HDAC9: variants seen among roughly 807,000 people sequenced by gnomAD.
HDAC9 encodes histone deacetylase 9, also known as MEF-2 interacting transcription repressor (MITR) protein.
A neutral mutation model predicts 139.4 loss-of-function variants in HDAC9; 41 were observed. That is an observed-to-expected ratio of 0.29 (90% CI 0.23 to 0.38). The LOEUF (loss-of-function observed/expected upper bound fraction) is 0.38, where lower values mean the gene tolerates loss of function less well. Ranked by LOEUF, HDAC9 falls within the 10% of genes least tolerant of loss-of-function variation. The probability of loss-of-function intolerance (pLI) is 1.00; values close to 1 mark genes in which losing one functional copy is unlikely to be tolerated. For missense variants in HDAC9, 1,147 were observed against 1,297.0 expected, an observed-to-expected ratio of 0.88 and a Z score of 1.78; for synonymous variants, 517 against 476.2, an observed-to-expected ratio of 1.09 and a Z score of -1.12.
chr7:18,765,468 A>T (rs983620278), intron 15 of HDAC9, among the ~76,000 whole-genome samples: 1 of 152,080 alleles, frequency 6.6e-6, no homozygotes, highest in Non-Finnish European at 1.5e-5. Context: ...AAAAATACAA[A>T]AATTAGCCAG....
rs562783006 is a variant in HDAC9, at chr7:18,908,752, G to A, written c.2804-27057G>A. On this transcript the variant is annotated intron_variant, in intron 22 of 25. Transcript: ENST00000686413. Reference sequence around the variant, plus strand: ...TTCATTCTTTCATTCTGTTTTAATGGTTGTATAAGATTCCATTGTCTATTT... The same window carrying A: ...TTCATTCTTTCATTCTGTTTTAATGATTGTATAAGATTCCATTGTCTATTT... Among the ~76,000 whole-genome samples the A allele has an allele frequency of 2.6e-5, 4 of 151,964 alleles. No homozygotes were observed. The South Asian group carries it at 8.3e-4, about 32-fold the overall frequency.
intron 2 of HDAC9, among the ~76,000 whole-genome samples, chr7:18,170,542 G>A (rs565455262): frequency 3.0e-4 from 43 of 144,580 alleles, no homozygotes; most frequent in African/African-American, 1.2e-3. Context: ...GAATGGTATT[G>A]CCTAGGTTTT....
chr7:18,630,291 C>G (rs1584356253), intron 7 of HDAC9, among the ~76,000 whole-genome samples: 1 of 152,084 alleles, frequency 6.6e-6, no homozygotes, highest in Admixed American at 6.6e-5. Context: ...ATCTGCAACC[C>G]CTTTTTTTTC....
At chr7:18,722,137 A>C (rs765841264) in intron 12 of HDAC9, among the ~76,000 whole-genome samples, 19 of 152,342 alleles carry the variant, frequency 1.2e-4, no homozygotes, top group Non-Finnish European at 2.2e-4. Flanking sequence ...GTTGTCTTAC[A>C]CATCTCAGTT....
chr7:18,249,096 A>C (rs1251424585), intron 2 of HDAC9, among the ~76,000 whole-genome samples: 1 of 152,232 alleles, frequency 6.6e-6, no homozygotes, highest in East Asian at 1.9e-4. Context: ...AAGCTCATAA[A>C]AAAATCCTAA....
upstream of HDAC9, among the ~76,000 whole-genome samples, chr7:18,491,144 CT>C (rs2128134825): frequency 6.6e-6 from 1 of 151,892 alleles, no homozygotes; most frequent in African/African-American, 2.4e-5. Flanking sequence ...AAAAATACAA[CT>C]TGAACTCCAT....
intron 1 of HDAC9, among the ~76,000 whole-genome samples, chr7:18,160,895 T>C (rs1787584882): frequency 6.6e-6 from 1 of 152,094 alleles, no homozygotes; most frequent in Admixed American, 6.6e-5. Flanking sequence ...GATATTATTA[T>C]TATAGTAAAT....
chr7:18,446,742 CAT>C (rs1792331204), intron 1 of HDAC9, among the ~76,000 whole-genome samples: 1 of 151,968 alleles, frequency 6.6e-6, no homozygotes, highest in African/African-American at 2.4e-5. Flanking sequence ...TTGAGAACAA[CAT>C]ATATTTTCCT....
intron 21 of HDAC9, among the ~76,000 whole-genome samples, chr7:18,860,444 C>T (rs767986329): frequency 5.9e-5 from 9 of 152,156 alleles, no homozygotes; most frequent in Non-Finnish European, 1.3e-4. Flanking sequence ...TGGAAAGATA[C>T]ATGTTGCAGG....
At chr7:18,480,775 G>C (rs975749792) in intron 1 of HDAC9, among the ~76,000 whole-genome samples, 7 of 152,174 alleles carry the variant, frequency 4.6e-5, no homozygotes, top group African/African-American at 1.4e-4. Context: ...TAGTCATGGG[G>C]AACCAGAAGA....
intron 1 of HDAC9, among the ~76,000 whole-genome samples, chr7:18,115,254 C>T (rs1179707692): frequency 6.7e-6 from 1 of 149,652 alleles, no homozygotes; most frequent in Non-Finnish European, 1.5e-5. Context: ...GATTGTGCCA[C>T]TGCACTCCAG....
intron 2 of HDAC9, among the ~76,000 whole-genome samples, chr7:18,184,121 G>A (rs1414872264): frequency 1.3e-5 from 2 of 152,130 alleles, no homozygotes; most frequent in Non-Finnish European, 2.9e-5. Context: ...GCTATTGGCC[G>A]GGCGCGGCAG....
chr7:18,323,375 G>A (rs913185241), intron 1 of HDAC9, among the ~76,000 whole-genome samples: 2 of 152,276 alleles, frequency 1.3e-5, no homozygotes, highest in Admixed American at 1.3e-4. Context: ...TTGGGCCTTT[G>A]TTTCCATATA....
chr7:18,748,301 G>T (rs1174076807), intron 13 of HDAC9, among the ~76,000 whole-genome samples: 1 of 152,144 alleles, frequency 6.6e-6, no homozygotes, highest in Admixed American at 6.5e-5. Context: ...TTTAAAAGAA[G>T]ATTGTATTCA....
intron 2 of HDAC9, chr7:18,502,521 C>T (rs987234196): frequency 3.3e-5 from 5 of 152,164 alleles, no homozygotes; most frequent in African/African-American, 9.7e-5. Context: ...ATTTTATTTA[C>T]TTTTTAGTTT....
intron 1 of HDAC9, among the ~76,000 whole-genome samples, chr7:18,336,986 C>T (rs574786837): frequency 6.6e-6 from 1 of 151,528 alleles, no homozygotes. Flanking sequence ...CTGCTTGTGC[C>T]TAGAAACATA....
chr7:18,807,685 T>C (rs978887975), intron 17 of HDAC9, among the ~76,000 whole-genome samples: 23 of 152,206 alleles, frequency 1.5e-4, no homozygotes, highest in African/African-American at 5.3e-4. Context: ...TTTGACCCAT[T>C]GGTTTCCCAG....
chr7:18,231,804 T>C (rs1166343406), intron 2 of HDAC9, among the ~76,000 whole-genome samples: 1 of 152,202 alleles, frequency 6.6e-6, no homozygotes, highest in African/African-American at 2.4e-5. Context: ...ATTTAACTAT[T>C]ACTTGTATAT....
chr7:18,884,629 T>C (rs1455944602), intron 22 of HDAC9, among the ~76,000 whole-genome samples: 1 of 152,234 alleles, frequency 6.6e-6, no homozygotes, highest in Non-Finnish European at 1.5e-5. Context: ...TGGCTATAGT[T>C]ACTATTATAA....
Sources: gnomAD v4.1 joint callset for allele counts (sites outside exome capture counted in the v4.1 genomes callset) on GRCh38, gnomAD v4.1.1 for gene constraint, MANE v1.5 for transcripts, NCBI Gene and HGNC (gene_info 2026-07-23, HGNC 2026-07-21) for gene names.